The following RWDD2B variants were observed in gnomAD, a reference collection of about 807,000 sequenced individuals.
The protein encoded by RWDD2B is RWD domain-containing protein 2B.
In RWDD2B, 36 loss-of-function variants were observed where a neutral mutation model predicts 33.6. That is an observed-to-expected ratio of 1.07 (90% CI 0.82 to 1.42). The LOEUF (loss-of-function observed/expected upper bound fraction) is 1.42. Ranked by LOEUF, RWDD2B falls within the 40% of genes most tolerant of loss-of-function variation. The pLI, the probability that RWDD2B is intolerant of heterozygous loss-of-function variation, is 0.00. For synonymous variants in RWDD2B, 126 were observed against 133.1 expected, an observed-to-expected ratio of 0.95 and a Z score of 0.37; for missense variants, 364 against 377.5, an observed-to-expected ratio of 0.96 and a Z score of 0.30.
In RWDD2B at chr21:29,019,256, G is replaced by A. The variant is rs772474932; in HGVS notation, c.22C>T (p.Gln8Ter). The change falls in exon 1 of 5, where the codon CAG becomes TAG. Residue 8 changes from glutamine to a stop codon, truncating the protein, a stop_gained. Coordinates refer to ENST00000493196, the MANE Select transcript of RWDD2B (RefSeq NM_016940.3). LOFTEE classifies it high-confidence loss of function. MKIELSM[Q>*]PWNPGYSSEG... ...CTGCTGTAACCCGGGTTCCATGGCT[G>A]CATGGACAGCTCAATTTTCATCAGA... 1 of 1,605,426 alleles carries A rather than the reference G, an allele frequency of 6.2e-7. No individual in the cohort carries two copies. Among genetic ancestry groups the A allele is most frequent in the Non-Finnish European group, 8.5e-7 (1 of 1,176,462 alleles).
chr21:29,012,289 A>G (rs2084867885), intron 1 of RWDD2B, among the ~76,000 whole-genome samples: 1 of 152,052 alleles, frequency 6.6e-6, no homozygotes, highest in South Asian at 2.1e-4. Context: ...CAGCTCACTG[A>G]GAACGGGCCA....
intron 1 of RWDD2B, among the ~76,000 whole-genome samples, chr21:29,010,780 G>A (rs1010521130): frequency 6.6e-6 from 1 of 151,460 alleles, no homozygotes; most frequent in African/African-American, 2.4e-5. Context: ...TGATTCTCCT[G>A]CCTCAGCCTG....
At chr21:29,012,593 TC>T (rs1181897156) in intron 1 of RWDD2B, among the ~76,000 whole-genome samples, 1 of 151,576 alleles carries the variant, frequency 6.6e-6, no homozygotes, top group Non-Finnish European at 1.5e-5. Flanking sequence ...TTAAGAGTCA[TC>T]ACCACTCCCT....
Position 29,019,263 on chromosome 21 carries a change from C to A in RWDD2B, c.15G>T (p.Leu5=). MKIE[L]SMQPWNPGYS... is the part of the protein sequence containing the mutation. ...AACCCGGGTTCCATGGCTGCATGGA[C>A]AGCTCAATTTTCATCAGAAGGGAGC... The change falls in exon 1 of 5, where the codon CTG becomes CTT. Residue 5 remains leucine, a synonymous_variant. Coordinates refer to ENST00000493196, the MANE Select transcript of RWDD2B (RefSeq NM_016940.3). 6.2e-7 allele frequency: 1 copy of A among 1,604,714 alleles called. No homozygotes were observed. Among genetic ancestry groups the A allele is most frequent in the East Asian group, 2.2e-5 (1 of 44,674 alleles).
At chr21:29,011,819 C>T (rs2084863034) in intron 1 of RWDD2B, among the ~76,000 whole-genome samples, 3 of 133,670 alleles carry the variant, frequency 2.2e-5, no homozygotes. Flanking sequence ...TGAGGGGCGC[C>T]TCTGCCCGGC....
intron 1 of RWDD2B, among the ~76,000 whole-genome samples, chr21:29,010,905 A>C (rs1341639900): frequency 6.6e-6 from 1 of 152,126 alleles, no homozygotes; most frequent in Non-Finnish European, 1.5e-5. Context: ...CCTAACCGCG[A>C]GTGATCCGCC....
intron 1 of RWDD2B, among the ~76,000 whole-genome samples, chr21:29,015,864 C>A (rs1402656429): frequency 1.3e-5 from 2 of 152,140 alleles, no homozygotes; most frequent in African/African-American, 2.4e-5. Context: ...TAGACAAAAG[C>A]AATCCTAATT....
chr21:29,017,708 G>T (rs1057186745), intron 1 of RWDD2B, among the ~76,000 whole-genome samples: 4 of 152,216 alleles, frequency 2.6e-5, no homozygotes, highest in Non-Finnish European at 5.9e-5. Flanking sequence ...GGCAGCAGGG[G>T]TGAGACTGCA....
At chr21:29,014,883 A>G (rs999422104) in intron 1 of RWDD2B, among the ~76,000 whole-genome samples, 5 of 152,248 alleles carry the variant, frequency 3.3e-5, no homozygotes, top group African/African-American at 1.2e-4. Context: ...TTTCTTTAAT[A>G]ATAATTCTTT....
intron 1 of RWDD2B, among the ~76,000 whole-genome samples, chr21:29,013,568 A>T (rs1237911894): frequency 1.3e-5 from 2 of 151,856 alleles, no homozygotes; most frequent in Non-Finnish European, 2.9e-5. Flanking sequence ...CGGCGCCTGT[A>T]GTCCCAGCTA....
intron 1 of RWDD2B, among the ~76,000 whole-genome samples, chr21:29,014,551 G>C (rs565941595): frequency 6.6e-6 from 1 of 152,340 alleles, no homozygotes; most frequent in Non-Finnish European, 1.5e-5. Flanking sequence ...GCCTGGCGCA[G>C]TGGCTCACGC....
rs2084830535 is a variant in RWDD2B at position 29,006,651 on chromosome 21, T to C, written c.726A>G (p.Arg242=). Reference sequence around the variant, plus strand: ...TTCTCTTCCAGTTTAATTTTCTGAGTCTGAAAAGAAATTTCCAAAGTAAAC... The same window carrying C: ...TTCTCTTCCAGTTTAATTTTCTGAGCCTGAAAAGAAATTTCCAAAGTAAAC... The part of the protein sequence containing the change: ...PQSACEEFWS[R]LRKLNWKRIL... The change falls in exon 5 of 5, where the codon AGA becomes AGG. Residue 242 remains arginine, a splice_region_variant and synonymous_variant. Transcript: ENST00000493196. 6.4e-7 allele frequency: 1 copy of C among 1,571,398 alleles called. No individual in the cohort carries two copies. Among genetic ancestry groups the C allele is most frequent in the Admixed American group, 1.8e-5 (1 of 56,578 alleles).
Position 29,005,169 on chromosome 21 carries a change from A to C in RWDD2B, c.*1248T>G, listed in dbSNP as rs187144308. 6.6e-6 allele frequency: 1 copy of C among 152,370 alleles called. No homozygotes were observed. The highest frequency in any genetic ancestry group is 1.9e-4 in the East Asian group (1 of 5,188). The allele number at this position is 152,370 out of a possible 1,614,324, so 9.4% of individuals were successfully genotyped here. A position where few individuals can be genotyped will look rare whatever the true frequency, so the allele number is the denominator to read the frequency against. The stretch of plus-strand genomic sequence containing the variant: ...CAGAAAGCCATTTCCAGAACAAAAA[A>C]TGTCAGAATACAATTTGCCAAACAA... On this transcript the variant is annotated 3_prime_UTR_variant, in exon 5 of 5. Coordinates refer to ENST00000493196, the MANE Select transcript of RWDD2B (RefSeq NM_016940.3).
At chr21:29,009,202 C>T (rs1175088796) in intron 1 of RWDD2B, among the ~76,000 whole-genome samples, 1 of 152,112 alleles carries the variant, frequency 6.6e-6, no homozygotes, top group East Asian at 1.9e-4. Context: ...ATCCTCCCAC[C>T]TCAGACTTCT....
intron 1 of RWDD2B, among the ~76,000 whole-genome samples, chr21:29,011,361 G>C (rs13048721): frequency 0.89 from 129,842 of 146,004 alleles, 58,020 homozygotes; most frequent in African/African-American, 0.95. Flanking sequence ...CCGGCCACCC[G>C]GTCTGAGAAG....
In RWDD2B at chr21:29,006,295, G is replaced by C; in HGVS notation, c.*122C>G. Reference sequence around the variant, plus strand: ...CATTTCAGCTATACTATTTTTTCTTGTGCCCCACTCCCCAACATTCTAGAA... The same window carrying C: ...CATTTCAGCTATACTATTTTTTCTTCTGCCCCACTCCCCAACATTCTAGAA... On this transcript the variant is annotated 3_prime_UTR_variant, in exon 5 of 5. Transcript: ENST00000493196. The C allele has an allele frequency of 3.4e-6, 2 of 592,296 alleles. No individual in the cohort carries two copies. The highest frequency in any genetic ancestry group is 5.2e-5 in the South Asian group (2 of 38,358). The allele number at this position is 592,296 out of a possible 1,614,324, so 36.7% of individuals were successfully genotyped here.
rs1053233459 is a variant in RWDD2B at position 29,018,496 on chromosome 21, G to C, written c.67+715C>G. On this transcript the variant is annotated intron_variant, in intron 1 of 4. Coordinates refer to ENST00000493196, the MANE Select transcript of RWDD2B (RefSeq NM_016940.3). ...CCAGGGAGTGAGTAAAGTTGGGAGA[G>C]GGTGCTATTGAATTGGAGGTATCGA... 3.9e-5 allele frequency among the ~76,000 whole-genome samples: 6 copies of C among 152,204 alleles called. No homozygotes were observed. In the South Asian group the frequency reaches 1.2e-3, roughly 31 times the overall value.
intron 1 of RWDD2B, 38 bp downstream of exon 1, chr21:29,019,173 T>C (rs1192196652): frequency 2.0e-6 from 3 of 1,534,944 alleles, no homozygotes; most frequent in Non-Finnish European, 2.7e-6. Flanking sequence ...GAAACCCCCG[T>C]GGCGGTCACC....
chr21:29,017,046 G>T (rs2084893713), intron 1 of RWDD2B, among the ~76,000 whole-genome samples: 2 of 151,834 alleles, frequency 1.3e-5, no homozygotes, highest in Non-Finnish European at 1.5e-5. Flanking sequence ...TGCTTTCTGG[G>T]TTTTTTAGTA....
Sources: gnomAD v4.1 joint callset for allele counts (sites outside exome capture counted in the v4.1 genomes callset) on GRCh38, gnomAD v4.1.1 for gene constraint, MANE v1.5 for transcripts, NCBI Gene and HGNC (gene_info 2026-07-23, HGNC 2026-07-21) for gene names.